PCDHGA8: variants seen among roughly 807,000 people sequenced by gnomAD.
The protein encoded by PCDHGA8 is protocadherin gamma subfamily A, 8.
In PCDHGA8, 45 loss-of-function variants were observed where a neutral mutation model predicts 59.2. That is an observed-to-expected ratio of 0.76 (90% CI 0.60 to 0.98). The LOEUF is 0.98. Among genes scored for constraint, PCDHGA8 ranks in the 50% least tolerant of loss-of-function variants. PCDHGA8 has a pLI of 0.00. For synonymous variants in PCDHGA8, 531 were observed against 519.0 expected, an observed-to-expected ratio of 1.02 and a Z score of -0.32; for missense variants, 1,257 against 1,196.2, an observed-to-expected ratio of 1.05 and a Z score of -0.75.
At chr5:141,472,022 T>A (rs949257396) in intron 1 of PCDHGA8, among the ~76,000 whole-genome samples, 6 of 152,176 alleles carry the variant, frequency 3.9e-5, no homozygotes, top group African/African-American at 1.4e-4. Context: ...CTATATTGTA[T>A]GTAGAAAGCT....
intron 1 of PCDHGA8, chr5:141,426,585 T>C (rs2096944493): frequency 2.8e-6 from 1 of 358,848 alleles, no homozygotes; most frequent in African/African-American, 2.1e-5. Flanking sequence ...CAAAATCCTC[T>C]GTGTCATACC....
chr5:141,430,110 C>T (rs919470038), intron 1 of PCDHGA8, among the ~76,000 whole-genome samples: 1 of 152,060 alleles, frequency 6.6e-6, no homozygotes, highest in Admixed American at 6.5e-5. Flanking sequence ...CGTTACATGT[C>T]AACAACCTGG....
At position 141,476,632 on chromosome 5, in the gene PCDHGA8, T is replaced by A. The variant is rs994726301; in HGVS notation, c.2425-18175T>A. ...TGGGAAGCAACTCTTTACAAACCTATGAGCTGAGCCGAAATGAATACTTTG... is the reference window on the plus strand; with the variant it reads ...TGGGAAGCAACTCTTTACAAACCTAAGAGCTGAGCCGAAATGAATACTTTG... On this transcript the variant is annotated intron_variant, in intron 1 of 3. Transcript: ENST00000398604. The surrounding 1 kb of genome is among the most constrained non-coding windows in gnomAD (Gnocchi z 7.6). 1 of 1,614,216 alleles carries A rather than the reference T, an allele frequency of 6.2e-7. No individual in the cohort carries two copies. The highest frequency in any genetic ancestry group is 8.5e-7 in the Non-Finnish European group (1 of 1,180,028).
chr5:141,455,817 A>G (rs1251279680), intron 1 of PCDHGA8, among the ~76,000 whole-genome samples: 3 of 151,882 alleles, frequency 2.0e-5, no homozygotes, highest in Non-Finnish European at 4.4e-5. Flanking sequence ...AAAACTTCCC[A>G]AGGACCCCTT....
At chr5:141,433,123 C>A in intron 1 of PCDHGA8, 1 of 1,614,116 alleles carries the variant, frequency 6.2e-7, no homozygotes, top group Non-Finnish European at 8.5e-7. Context: ...TTGAAAAAAG[C>A]GAGCCCCTTT....
intron 1 of PCDHGA8, among the ~76,000 whole-genome samples, chr5:141,488,782 C>T (rs990081222): frequency 2.0e-5 from 3 of 152,178 alleles, no homozygotes; most frequent in Non-Finnish European, 1.5e-5. Flanking sequence ...TTTTGTATCA[C>T]TTTGTCTTCC....
intron 1 of PCDHGA8, among the ~76,000 whole-genome samples, chr5:141,424,923 T>C (rs1428936860): frequency 6.6e-6 from 1 of 152,186 alleles, no homozygotes; most frequent in African/African-American, 2.4e-5. Flanking sequence ...CCATAATCAA[T>C]TCAGTCAACA....
chr5:141,490,419 G>T lies in PCDHGA8; in HGVS notation c.2425-4388G>T, dbSNP rs1424302713. ...TGAGCCTTGATATCTCTCCGGACCT[G>T]CCATTTCAGATTAAGCCTTCTGAGA... is the stretch of plus-strand genomic sequence containing the variant. On this transcript the variant is annotated intron_variant, in intron 1 of 3. Transcript: ENST00000398604. The surrounding 1 kb of genome is among the most constrained non-coding windows in gnomAD (Gnocchi z 5.4). The T allele has an allele frequency of 6.2e-7, 1 of 1,614,170 alleles. No homozygotes were observed. The highest frequency in any genetic ancestry group is 8.5e-7 in the Non-Finnish European group (1 of 1,180,020).
At chr5:141,426,955 C>T (rs1380917458) in intron 1 of PCDHGA8, 3 of 456,658 alleles carry the variant, frequency 6.6e-6, no homozygotes, top group South Asian at 1.5e-5. Flanking sequence ...ACTGGCACTG[C>T]TGCAATTCAA....
chr5:141,413,227 G>T (rs552225139), intron 1 of PCDHGA8: 2 of 1,613,938 alleles, frequency 1.2e-6, no homozygotes, highest in South Asian at 2.2e-5. Flanking sequence ...CAGCGGGCTG[G>T]TCCTGCTCTG....
Position 141,485,859 on chromosome 5 carries a change from G to A in PCDHGA8, c.2425-8948G>A, listed in dbSNP as rs1272239385. ...CCGAGATCTGGCACCGCAGAGCTCC[G>A]GGTATCCGTGCTGGACGTAAACGAC... On this transcript the variant is annotated intron_variant, in intron 1 of 3. Transcript: ENST00000398604. This position sits in a 1 kb window ranked among gnomAD's most constrained non-coding sequence, Gnocchi z 5.7. 3.7e-6 allele frequency: 6 copies of A among 1,614,046 alleles called. No homozygotes were observed. Among genetic ancestry groups the A allele is most frequent in the Admixed American group, 3.3e-5 (2 of 60,000 alleles).
chr5:141,430,865 C>A, intron 1 of PCDHGA8: 2 of 1,595,350 alleles, frequency 1.3e-6, no homozygotes, highest in Non-Finnish European at 1.7e-6. Flanking sequence ...CTATTCAGTT[C>A]CGGAAGAGCT....
intron 1 of PCDHGA8, chr5:141,412,903 G>T: frequency 5.3e-6 from 2 of 376,030 alleles, no homozygotes; most frequent in East Asian, 4.2e-5. Flanking sequence ...ACTTTCCATT[G>T]CATGTATCAC....
chr5:141,438,254 A>G (rs916664408), intron 1 of PCDHGA8, among the ~76,000 whole-genome samples: 1 of 152,170 alleles, frequency 6.6e-6, no homozygotes, highest in Non-Finnish European at 1.5e-5. Context: ...CTGTCATTGA[A>G]GAGACCATAG....
At position 141,477,938 on chromosome 5, in the gene PCDHGA8, T is replaced by C. The variant is rs1441443411; in HGVS notation, c.2425-16869T>C. The stretch of plus-strand genomic sequence containing the variant: ...TGCAGGGCACAATGCCTGGCTCTCC[T>C]ACAGTCTCTTGGGATCCCCTAACCA... On this transcript the variant is annotated intron_variant, in intron 1 of 3. Transcript: ENST00000398604. The surrounding 1 kb of genome is among the most constrained non-coding windows in gnomAD (Gnocchi z 4.9). The C allele has an allele frequency of 3.1e-6, 5 of 1,614,036 alleles. No homozygotes were observed. The highest frequency in any genetic ancestry group is 4.2e-6 in the Non-Finnish European group (5 of 1,180,030).
chr5:141,411,752 C>T (rs2095512204), intron 1 of PCDHGA8: 1 of 152,734 alleles, frequency 6.5e-6, no homozygotes. Context: ...TGTGGTGGCA[C>T]ATGCCTGTGG....
intron 1 of PCDHGA8, among the ~76,000 whole-genome samples, chr5:141,456,946 G>A (rs182320066): frequency 2.3e-4 from 35 of 152,284 alleles, no homozygotes; most frequent in Admixed American, 2.3e-3. Context: ...CTGGGCAACA[G>A]AGCAAAACTC....
intron 1 of PCDHGA8, chr5:141,433,196 C>A (rs750657930): frequency 4.4e-6 from 7 of 1,575,116 alleles, no homozygotes; most frequent in African/African-American, 1.4e-5. Context: ...GAGTTTATAT[C>A]AAATCTTCTT....
chr5:141,485,503 C>T lies in PCDHGA8; in HGVS notation c.2425-9304C>T, dbSNP rs1057374827. The T allele has an allele frequency of 5.0e-6, 8 of 1,614,096 alleles. No homozygotes were observed. The highest frequency in any genetic ancestry group is 6.8e-6 in the Non-Finnish European group (8 of 1,180,008). On this transcript the variant is annotated intron_variant, in intron 1 of 3. Coordinates refer to ENST00000398604, the MANE Select transcript of PCDHGA8 (RefSeq NM_032088.2). This position sits in a 1 kb window ranked among gnomAD's most constrained non-coding sequence, Gnocchi z 5.7. ...GCATCGTGCCCCTGGAGTTTGTCAC[C>T]GAAGGTCCTTTGGAAATGTACCGAG...
Sources: allele counts gnomAD v4.1 joint callset (sites outside exome capture counted in the v4.1 genomes callset), GRCh38; gene constraint gnomAD v4.1.1; non-coding constraint Gnocchi (gnomAD v3.1); transcripts MANE v1.5; gene names NCBI Gene and HGNC (gene_info 2026-07-23, HGNC 2026-07-21).